The following CDH13 variants were observed in gnomAD, a reference collection of about 807,000 sequenced individuals.
CDH13 encodes cadherin-13.
CDH13 carries 24 observed loss-of-function variants against 63.8 expected under a neutral mutation model. The observed-to-expected ratio is 0.38, with a 90% CI of 0.27 to 0.53. CDH13 has a LOEUF of 0.53. CDH13 is among the 20% of genes least tolerant of loss of function. The pLI, the probability that CDH13 is intolerant of heterozygous loss-of-function variation, is 0.85. For missense variants in CDH13, 1,049 were observed against 903.1 expected (o/e 1.16, Z -2.07); for synonymous variants, 503 against 355.3 (o/e 1.42, Z -4.67).
intron 6 of CDH13, among the ~76,000 whole-genome samples, chr16:83,434,654 C>A (rs2072231581): frequency 6.6e-6 from 1 of 151,862 alleles, no homozygotes; most frequent in Admixed American, 6.6e-5. Context: ...CATAGCCCTT[C>A]CTCTTATCCC....
chr16:83,099,760 C>T (rs935081970), intron 3 of CDH13, among the ~76,000 whole-genome samples: 2 of 151,998 alleles, frequency 1.3e-5, no homozygotes, highest in African/African-American at 2.4e-5. Flanking sequence ...CATCATGAAG[C>T]TAATAATAAA....
At chr16:83,248,253 T>A (rs997485876) in intron 5 of CDH13, among the ~76,000 whole-genome samples, 2 of 152,050 alleles carry the variant, frequency 1.3e-5, no homozygotes, top group Non-Finnish European at 2.9e-5. Flanking sequence ...ATAGTGTGCA[T>A]GAGCTCACGC....
intron 7 of CDH13, among the ~76,000 whole-genome samples, chr16:83,487,661 T>C (rs2073920945): frequency 6.6e-6 from 1 of 152,202 alleles, no homozygotes; most frequent in Admixed American, 6.5e-5. Flanking sequence ...GCTACCATTC[T>C]GGAATTCCCT....
intron 7 of CDH13, among the ~76,000 whole-genome samples, chr16:83,510,378 C>A (rs1430374105): frequency 6.6e-6 from 1 of 152,088 alleles, no homozygotes; most frequent in African/African-American, 2.4e-5. Flanking sequence ...CTTAACTTGC[C>A]TGTGAAAATC....
intron 2 of CDH13, among the ~76,000 whole-genome samples, chr16:82,942,167 C>T (rs530828268): frequency 2.6e-5 from 4 of 152,022 alleles, no homozygotes; most frequent in South Asian, 2.1e-4. Context: ...GCTTGCTTTT[C>T]GTAGGTTTCA....
At chr16:82,857,219 G>C (rs114735980) in intron 1 of CDH13, among the ~76,000 whole-genome samples, 1 of 152,136 alleles carries the variant, frequency 6.6e-6, no homozygotes, top group African/African-American at 2.4e-5. Context: ...CTAGAATTTC[G>C]AGTTCGTCTT....
intron 2 of CDH13, among the ~76,000 whole-genome samples, chr16:82,866,374 CTTCTTTTTTTTTTTTTTT>C (rs1294968871): frequency 1.2e-5 from 1 of 86,954 alleles, no homozygotes; most frequent in Non-Finnish European, 2.2e-5. Context: ...TCTTTTTCTT[CTTCTTTTTTTTTTTTTTT>C]TTTTTTTTTT....
chr16:83,053,838 C>T lies in CDH13; in HGVS notation c.366+21620C>T, dbSNP rs183223721. Among the ~76,000 whole-genome samples, 140 of 152,236 alleles carry T rather than the reference C, an allele frequency of 9.2e-4. 1 individual carries two copies. Among genetic ancestry groups the T allele is most frequent in the African/African-American group, 3.3e-3 (135 of 41,528 alleles). Reference sequence around the variant, plus strand: ...CAGCCCCCCTTATCTATGGGAAACACATTTCGAGACCCCGACCGGGTACCT... The same window carrying T: ...CAGCCCCCCTTATCTATGGGAAACATATTTCGAGACCCCGACCGGGTACCT... On this transcript the variant is annotated intron_variant, in intron 3 of 13. Transcript: ENST00000567109.
intron 5 of CDH13, among the ~76,000 whole-genome samples, chr16:83,238,248 A>G (rs1904280432): frequency 6.6e-6 from 1 of 150,584 alleles, no homozygotes; most frequent in African/African-American, 2.4e-5. Context: ...GATTTAGTGG[A>G]CTTACAGTTC....
At chr16:83,571,140 T>C (rs943452956) in intron 7 of CDH13, among the ~76,000 whole-genome samples, 7 of 151,868 alleles carry the variant, frequency 4.6e-5, no homozygotes, top group Non-Finnish European at 2.9e-5. Context: ...CTTTTCACTT[T>C]ATTTCATTAC....
intron 8 of CDH13, among the ~76,000 whole-genome samples, chr16:83,646,650 C>T (rs963984246): frequency 3.7e-5 from 5 of 135,518 alleles, no homozygotes; most frequent in African/African-American, 1.1e-4. Flanking sequence ...TGAGATCACG[C>T]GATTGCACTC....
At chr16:82,884,297 T>G (rs72790112) in intron 2 of CDH13, 7,883 of 438,266 alleles carry the variant, frequency 0.018, 283 homozygotes, top group South Asian at 0.072. Context: ...AGCAGAGGCA[T>G]GCTATTGAGA....
chr16:82,928,164 ATGTGTGTGTGTG>A (rs5818417), intron 2 of CDH13, among the ~76,000 whole-genome samples: 1 of 150,878 alleles, frequency 6.6e-6, no homozygotes, highest in African/African-American at 2.4e-5. Flanking sequence ...GCAGTCGTGT[ATGTGTGTGTGTG>A]TGTGTGTGTG....
At chr16:82,982,241 T>TTA (rs1169208010) in intron 2 of CDH13, among the ~76,000 whole-genome samples, 2 of 152,142 alleles carry the variant, frequency 1.3e-5, no homozygotes, top group Admixed American at 6.5e-5. Flanking sequence ...TTTCTTCTTA[T>TTA]TTTATAAATA....
Position 83,178,756 on chromosome 16 carries a change from CAGTCATTG to C in CDH13, c.484-38586_484-38579del, listed in dbSNP as rs538859349. 1.4e-4 allele frequency among the ~76,000 whole-genome samples: 22 copies of C among 152,160 alleles called. No homozygotes were observed. The East Asian group carries it at 2.7e-3, about 19-fold the overall frequency. On this transcript the variant is annotated intron_variant, in intron 4 of 13. Transcript: ENST00000567109. ...ATAGCTTATTTCTAGAGAATCCATA[CAGTCATTG>C]AGGCTTTGTTTTTTTTCATCTTCCA...
intron 4 of CDH13, among the ~76,000 whole-genome samples, chr16:83,211,118 A>G (rs1315517893): frequency 1.3e-5 from 2 of 151,534 alleles, no homozygotes; most frequent in Admixed American, 6.6e-5. Flanking sequence ...AGTGCACTCC[A>G]GCCTGGGTGA....
At chr16:83,668,898 A>G (rs1914246745) in intron 8 of CDH13, among the ~76,000 whole-genome samples, 1 of 152,174 alleles carries the variant, frequency 6.6e-6, no homozygotes, top group African/African-American at 2.4e-5. Context: ...CTGAGCCCAG[A>G]TGTACTGCAG....
intron 1 of CDH13, among the ~76,000 whole-genome samples, chr16:82,755,958 T>A (rs746430305): frequency 6.6e-6 from 1 of 152,210 alleles, no homozygotes; most frequent in Non-Finnish European, 1.5e-5. Context: ...ACATGTTGGA[T>A]TGCTTCTGCC....
intron 6 of CDH13, among the ~76,000 whole-genome samples, chr16:83,345,903 C>A (rs959250899): frequency 6.6e-6 from 1 of 152,042 alleles, no homozygotes. Context: ...GAGATGAGAG[C>A]GGCTTTTACT....
Sources: gnomAD v4.1 joint callset for allele counts (sites outside exome capture counted in the v4.1 genomes callset) on GRCh38, gnomAD v4.1.1 for gene constraint, MANE v1.5 for transcripts, NCBI Gene and HGNC (gene_info 2026-07-23, HGNC 2026-07-21) for gene names.